TGM5: variants seen among roughly 807,000 people sequenced by gnomAD.
TGM5 encodes the protein protein-glutamine gamma-glutamyltransferase 5.
TGM5 carries 69 observed loss-of-function variants against 77.2 expected under a neutral mutation model. The observed-to-expected ratio is 0.89, with a 90% CI of 0.74 to 1.09. The LOEUF (loss-of-function observed/expected upper bound fraction) is 1.09, where lower values mean the gene tolerates loss of function less well. TGM5 is among the 50% of genes least tolerant of loss of function. The pLI, the probability that TGM5 is intolerant of heterozygous loss-of-function variation, is 0.00. For synonymous variants in TGM5, 346 were observed against 351.8 expected (o/e 0.98, Z 0.18); for missense variants, 842 against 896.5 (o/e 0.94, Z 0.78).
At chr15:43,254,799 C>T (rs1351677161) in intron 4 of TGM5, among the ~76,000 whole-genome samples, 1 of 152,116 alleles carries the variant, frequency 6.6e-6, no homozygotes, top group African/African-American at 2.4e-5. Flanking sequence ...CAAACATCTC[C>T]TCTCCCAGGA....
intron 5 of TGM5, 128 bp downstream of exon 5, chr15:43,253,377 TG>T: frequency 7.6e-7 from 1 of 1,323,522 alleles, no homozygotes; most frequent in Non-Finnish European, 1.0e-6. Flanking sequence ...ACCCACATTC[TG>T]GCGTCAGTCT....
At chr15:43,241,905 G>T (rs1002040126) in intron 6 of TGM5, among the ~76,000 whole-genome samples, 2 of 152,122 alleles carry the variant, frequency 1.3e-5, no homozygotes, top group Non-Finnish European at 2.9e-5. Flanking sequence ...CTCCCAAAGT[G>T]CTGGGATTAC....
chr15:43,245,601 G>C (rs1296277874), intron 6 of TGM5, among the ~76,000 whole-genome samples: 1 of 152,126 alleles, frequency 6.6e-6, no homozygotes, highest in African/African-American at 2.4e-5. Flanking sequence ...CACTAAGACA[G>C]GGCCCTACCA....
intron 6 of TGM5, among the ~76,000 whole-genome samples, chr15:43,242,494 G>A (rs1227701301): frequency 6.6e-6 from 1 of 152,180 alleles, no homozygotes; most frequent in African/African-American, 2.4e-5. Flanking sequence ...AAGTGACTGA[G>A]TCAAAAATAT....
chr15:43,245,885 C>CTG (rs1423077281), intron 6 of TGM5, among the ~76,000 whole-genome samples: 3 of 139,338 alleles, frequency 2.2e-5, no homozygotes, highest in Admixed American at 7.6e-5. Context: ...TAAGGGTTAT[C>CTG]TGTGTGTGTG....
Position 43,240,926 on chromosome 15 carries a change from A to T in TGM5, c.927T>A (p.Asp309Glu). The change falls in exon 7 of 13, where the codon GAT (aspartate) becomes GAA (glutamate). Residue 309 changes from aspartate (D) to glutamate (E), a missense_variant. By Grantham distance (45) the Asp-to-Glu change is conservative. Transcript: ENST00000220420. ...AATACTCATCTATGATCAGGTTTCC[A>T]TCTGTATCGTGGCCAGAGTCGAAGT... ...ITNFDSGHDT[D>E]GNLIIDEYYD... is the part of the protein sequence containing the mutation. 1 of 1,614,130 alleles carries T rather than the reference A, an allele frequency of 6.2e-7. No individual in the cohort carries two copies. The highest frequency in any genetic ancestry group is 1.1e-5 in the South Asian group (1 of 91,078).
chr15:43,266,840 C>T lies in TGM5; in HGVS notation c.10G>A (p.Gly4Arg). 1 of 1,614,142 alleles carries T rather than the reference C, an allele frequency of 6.2e-7. No individual in the cohort carries two copies. Among genetic ancestry groups the T allele is most frequent in the South Asian group, 1.1e-5 (1 of 91,082 alleles). Residue 4 changes from glycine (G) to arginine (R), a missense_variant and splice_region_variant, in exon 1 of 13, where the codon GGG (glycine) becomes AGG (arginine). By Grantham distance (125) the Gly-to-Arg change is moderately radical. This residue lies in a region of TGM5 where 815 missense variants were observed against 844.6 expected (regional missense o/e 0.96). Transcript: ENST00000220420. ...CAGTGGCCACAGGGGCTTTCCCTAC[C>T]TTGGGCCATGGTAGCTGCCTCCGGT... MAQ[G>R]LEVALTDLQS...
chr15:43,245,899 TGG>T lies in TGM5; in HGVS notation c.863-4911_863-4910del, dbSNP rs34700701. Among the ~76,000 whole-genome samples the T allele has an allele frequency of 2.4e-3, 264 of 109,684 alleles. 3 individuals are homozygous for T. Among genetic ancestry groups the T allele is most frequent in the African/African-American group, 8.2e-3 (248 of 30,122 alleles). The allele number at this position is 109,684 out of a possible 152,430, so 72.0% of individuals were successfully genotyped here. A position where few individuals can be genotyped will look rare whatever the true frequency, so the allele number is the denominator to read the frequency against. On this transcript the variant is annotated intron_variant, in intron 6 of 12. Coordinates refer to ENST00000220420, the MANE Select transcript of TGM5 (RefSeq NM_201631.4). ...GTAAGGGTTATCTGTGTGTGTGTGT[TGG>T]GGGGGGGGGTCTTAAATGGCAAAAA...
chr15:43,236,207 C>T (rs918060657), intron 9 of TGM5, among the ~76,000 whole-genome samples: 2 of 152,108 alleles, frequency 1.3e-5, no homozygotes, highest in African/African-American at 4.8e-5. Context: ...TGCCTGTGAC[C>T]GCTCAACTCT....
Position 43,252,705 on chromosome 15 carries a change from A to C in TGM5, c.862+54T>G, listed in dbSNP as rs910292957. On this transcript the variant is annotated intron_variant, in intron 6 of 12. Transcript: ENST00000220420. The stretch of plus-strand genomic sequence containing the variant: ...GGGATGGGAATGGTTCAGAAGGCTC[A>C]TACATGAGCGGCTATACTTCTGACC... 6.9e-6 allele frequency: 11 copies of C among 1,599,728 alleles called. No individual in the cohort carries two copies. In the African/African-American group the frequency reaches 1.5e-4, roughly 21 times the overall value.
At chr15:43,249,038 C>G (rs191105590) in intron 6 of TGM5, among the ~76,000 whole-genome samples, 1 of 152,242 alleles carries the variant, frequency 6.6e-6, no homozygotes, top group South Asian at 2.1e-4. Flanking sequence ...AGCCTCCCAT[C>G]GCCCACACCC....
intron 4 of TGM5, among the ~76,000 whole-genome samples, chr15:43,255,523 G>C (rs1054045011): frequency 6.6e-6 from 1 of 152,144 alleles, no homozygotes; most frequent in Non-Finnish European, 1.5e-5. Flanking sequence ...AGTTGAGGCC[G>C]CTATATCTCA....
intron 3 of TGM5, among the ~76,000 whole-genome samples, chr15:43,257,197 C>A (rs1225170569): frequency 6.6e-6 from 1 of 152,198 alleles, no homozygotes; most frequent in African/African-American, 2.4e-5. Context: ...AGCTGTTCAT[C>A]TGAGTGCTGT....
At position 43,260,025 on chromosome 15, in the gene TGM5, G is replaced by A; in HGVS notation, c.436+27C>T. On this transcript the variant is annotated intron_variant, in intron 3 of 12. Transcript: ENST00000220420. ...GGCAGCACTGACAGAAGAGAAAGGAGGGCACCGCCTGGGCACCCAGCCTTA... is the reference window on the plus strand; with the variant it reads ...GGCAGCACTGACAGAAGAGAAAGGAAGGCACCGCCTGGGCACCCAGCCTTA... The A allele has an allele frequency of 2.5e-6, 4 of 1,612,418 alleles. No homozygotes were observed. The African/African-American group carries it at 4.0e-5, about 16-fold the overall frequency.
intron 1 of TGM5, among the ~76,000 whole-genome samples, 183 bp downstream of exon 1, chr15:43,266,657 C>T (rs1158741719): frequency 3.9e-5 from 6 of 152,328 alleles, no homozygotes; most frequent in South Asian, 2.1e-4. Context: ...TCTGCCTCTA[C>T]GCTGTCTCCT....
Position 43,240,853 on chromosome 15 carries a change from A to G in TGM5, c.1000T>C (p.Trp334Arg). 1.2e-6 allele frequency: 2 copies of G among 1,614,162 alleles called. No individual in the cohort carries two copies. The highest frequency in any genetic ancestry group is 1.7e-6 in the Non-Finnish European group (2 of 1,180,030). ...ATAGGTTGAGAGGTTGTTTCTCACC[A>G]GATAGTATCCTTCTTCTTATTCCCC... ...ILGNKKKDTI[W>R]NFHVWNECWM... Residue 334 changes from tryptophan to arginine, a missense_variant and splice_region_variant, in exon 7 of 13, where the codon TGG (tryptophan) becomes CGG (arginine). Physicochemically the swap from Trp to Arg is moderately radical, Grantham distance 101. This residue lies in a region of TGM5 where 815 missense variants were observed against 844.6 expected (regional missense o/e 0.96). Coordinates refer to ENST00000220420, the MANE Select transcript of TGM5 (RefSeq NM_201631.4).
At chr15:43,257,918 G>A (rs2042754009) in intron 3 of TGM5, among the ~76,000 whole-genome samples, 1 of 152,158 alleles carries the variant, frequency 6.6e-6, no homozygotes, top group East Asian at 1.9e-4. Flanking sequence ...ATGAGTTCAT[G>A]TCCTTTATAG....
intron 9 of TGM5, among the ~76,000 whole-genome samples, chr15:43,237,373 A>T (rs1290092649): frequency 6.6e-6 from 1 of 152,204 alleles, no homozygotes; most frequent in Admixed American, 6.5e-5. Context: ...TCAACTCATG[A>T]CCAACAGGAG....
At chr15:43,260,658 A>G in intron 1 of TGM5, 79 bp from the exon 2 acceptor site, 1 of 1,514,884 alleles carries the variant, frequency 6.6e-7, no homozygotes, top group Non-Finnish European at 9.2e-7. Flanking sequence ...AGTTCTGCAA[A>G]CTTGAGAAAG....
Sources: allele counts gnomAD v4.1 joint callset (sites outside exome capture counted in the v4.1 genomes callset), GRCh38; gene constraint gnomAD v4.1.1; regional missense constraint gnomAD v4.1.1; transcripts MANE v1.5; gene names NCBI Gene and HGNC (gene_info 2026-07-23, HGNC 2026-07-21).